The following ZNF346 variants were observed in gnomAD, a reference collection of about 807,000 sequenced individuals.
ZNF346 encodes zinc finger protein 346, also known as double-stranded RNA-binding zinc finger protein JAZ.
Under a neutral mutation model 33.7 loss-of-function variants are expected in ZNF346, and 23 were observed. The observed-to-expected ratio is 0.68, with a 90% CI of 0.49 to 0.97. The LOEUF is 0.97. Ranked by LOEUF, ZNF346 falls within the 50% of genes least tolerant of loss-of-function variation. ZNF346 has a pLI of 0.00. For synonymous variants in ZNF346, 134 were observed against 142.4 expected (o/e 0.94, Z 0.42); for missense variants, 340 against 371.1 (o/e 0.92, Z 0.69).
intron 1 of ZNF346, among the ~76,000 whole-genome samples, chr5:177,024,830 G>T (rs981660307): frequency 1.3e-5 from 2 of 152,216 alleles, no homozygotes; most frequent in Admixed American, 6.5e-5. Flanking sequence ...ATGTGTATAT[G>T]AGTGTATAGT....
At chr5:177,036,153 A>G (rs1372617112) in intron 1 of ZNF346, among the ~76,000 whole-genome samples, 1 of 152,054 alleles carries the variant, frequency 6.6e-6, no homozygotes, top group Non-Finnish European at 1.5e-5. Context: ...AGCTGAAACA[A>G]CAGCGGGGTG....
At chr5:177,050,445 T>C (rs1562007013) in intron 4 of ZNF346, among the ~76,000 whole-genome samples, 1 of 152,194 alleles carries the variant, frequency 6.6e-6, no homozygotes, top group Non-Finnish European at 1.5e-5. Flanking sequence ...GCTCAGGGCC[T>C]CCTAAGAATA....
At chr5:177,055,818 C>G (rs1012959617) in intron 5 of ZNF346, among the ~76,000 whole-genome samples, 1 of 151,798 alleles carries the variant, frequency 6.6e-6, no homozygotes, top group Non-Finnish European at 1.5e-5. Context: ...GCTCACACCT[C>G]TAATCCCAGC....
At chr5:177,072,135 A>G (rs890221060), downstream of ZNF346, among the ~76,000 whole-genome samples, 1 of 152,216 alleles carries the variant, frequency 6.6e-6, no homozygotes, top group Non-Finnish European at 1.5e-5. Context: ...ATTTCAGTTA[A>G]CCCTCAGGAC....
At chr5:177,056,807 C>G (rs1049466239) in intron 5 of ZNF346, among the ~76,000 whole-genome samples, 12 of 151,868 alleles carry the variant, frequency 7.9e-5, no homozygotes, top group Non-Finnish European at 1.2e-4. Flanking sequence ...GGAGATATAC[C>G]TAATGTAAAT....
intron 1 of ZNF346, among the ~76,000 whole-genome samples, chr5:177,034,069 A>G (rs1311908171): frequency 1.3e-5 from 2 of 151,902 alleles, no homozygotes; most frequent in Non-Finnish European, 2.9e-5. Context: ...TTTTTTATAG[A>G]GATGGGGTTT....
intron 1 of ZNF346, among the ~76,000 whole-genome samples, chr5:177,024,682 C>T (rs747671785): frequency 7.2e-5 from 11 of 152,156 alleles, no homozygotes; most frequent in Non-Finnish European, 1.0e-4. Flanking sequence ...AAGCAGACAC[C>T]AAAACAGTTC....
chr5:177,079,891 C>A (rs1275071978), exon 9 of ZNF346: 1 of 152,310 alleles, frequency 6.6e-6, no homozygotes, highest in Non-Finnish European at 1.5e-5. Context: ...GCCTGAAAGC[C>A]CCTGTCCTAG....
intron 4 of ZNF346, among the ~76,000 whole-genome samples, chr5:177,044,897 T>C (rs763778107): frequency 6.6e-6 from 1 of 152,208 alleles, no homozygotes; most frequent in East Asian, 1.9e-4. Flanking sequence ...TATTACTGCA[T>C]GTTCCAAGTT....
At chr5:177,063,322 T>C (rs897391425) in intron 6 of ZNF346, among the ~76,000 whole-genome samples, 2 of 152,216 alleles carry the variant, frequency 1.3e-5, no homozygotes, top group African/African-American at 4.8e-5. Flanking sequence ...GCTTTGCTCA[T>C]TGAGCTGAAT....
intron 1 of ZNF346, among the ~76,000 whole-genome samples, chr5:177,033,358 G>A (rs1298271550): frequency 2.0e-5 from 3 of 152,176 alleles, no homozygotes; most frequent in East Asian, 1.9e-4. Flanking sequence ...GATTACAGGC[G>A]TGGGCCACTG....
chr5:177,023,100 G>A, intron 1 of ZNF346, 187 bp downstream of exon 1: 9 of 1,458,958 alleles, frequency 6.2e-6, no homozygotes, highest in Non-Finnish European at 8.4e-6. Flanking sequence ...CGCTGAGGGT[G>A]AAGGGCCGCT....
intron 1 of ZNF346, among the ~76,000 whole-genome samples, chr5:177,030,710 T>G (rs1164233196): frequency 1.3e-5 from 2 of 152,036 alleles, no homozygotes; most frequent in Non-Finnish European, 2.9e-5. Context: ...TTCACAGAGT[T>G]CTGCAACCAT....
intron 1 of ZNF346, among the ~76,000 whole-genome samples, chr5:177,039,236 A>T (rs976171720): frequency 1.3e-5 from 2 of 151,972 alleles, no homozygotes; most frequent in African/African-American, 4.8e-5. Flanking sequence ...TTGTTTATAG[A>T]GTCATTTCTC....
At chr5:177,068,712 G>T (rs149306972), downstream of ZNF346, among the ~76,000 whole-genome samples, 1,441 of 142,838 alleles carry the variant, frequency 0.01, 83 homozygotes, top group South Asian at 0.026. Flanking sequence ...CTAAAACATT[G>T]AGAGAGGGAG....
At chr5:177,049,602 C>T (rs903333210) in intron 4 of ZNF346, among the ~76,000 whole-genome samples, 3 of 152,142 alleles carry the variant, frequency 2.0e-5, no homozygotes, top group East Asian at 3.8e-4. Context: ...TTTCTGAAGG[C>T]GTAAGTAAGA....
At chr5:177,038,770 G>T (rs1368579627) in intron 1 of ZNF346, among the ~76,000 whole-genome samples, 2 of 151,946 alleles carry the variant, frequency 1.3e-5, no homozygotes, top group African/African-American at 4.8e-5. Context: ...TCCAGGTGAG[G>T]AAGTGATGAC....
In ZNF346 at chr5:177,040,671, A is replaced by G. The variant is rs147479848; in HGVS notation, c.176-455A>G. On this transcript the variant is annotated intron_variant, in intron 1 of 6. Transcript: ENST00000358149. ...TGTTATGTGATTTTAAATGTTTCAA[A>G]GTCAGATCAAGAACAATGAGAAAAG... Among the ~76,000 whole-genome samples, 358 of 152,282 alleles carry G rather than the reference A, an allele frequency of 2.4e-3. 2 individuals carry two copies. Among genetic ancestry groups the G allele is most frequent in the African/African-American group, 8.1e-3 (338 of 41,560 alleles).
intron 5 of ZNF346, among the ~76,000 whole-genome samples, chr5:177,057,816 A>ATTTATTTG (rs146472028): frequency 1.4e-4 from 21 of 148,842 alleles, no homozygotes; most frequent in South Asian, 4.2e-4. Flanking sequence ...TTATTTATTT[A>ATTTATTTG]TTTATTTATT....
Sources: allele counts gnomAD v4.1 joint callset (sites outside exome capture counted in the v4.1 genomes callset), GRCh38; gene constraint gnomAD v4.1.1; transcripts MANE v1.5; gene names NCBI Gene and HGNC (gene_info 2026-07-23, HGNC 2026-07-21).